ATRNL1: variants seen among roughly 807,000 people sequenced by gnomAD.
The protein encoded by ATRNL1 is attractin-like protein 1.
ATRNL1 carries 95 observed loss-of-function variants against 182.7 expected under a neutral mutation model. The ratio of observed to expected loss-of-function variants is 0.52; its 90% CI spans 0.44 to 0.62. The LOEUF (loss-of-function observed/expected upper bound fraction) is 0.62. Among genes scored for constraint, ATRNL1 ranks in the 20% least tolerant of loss-of-function variants. ATRNL1 has a pLI of 0.00. For synonymous variants in ATRNL1, 576 were observed against 568.3 expected, an observed-to-expected ratio of 1.01 and a Z score of -0.19; for missense variants, 1,471 against 1,679.5, an observed-to-expected ratio of 0.88 and a Z score of 2.17.
chr10:115,780,517 C>T (rs1949238479), intron 27 of ATRNL1, among the ~76,000 whole-genome samples: 2 of 152,112 alleles, frequency 1.3e-5, no homozygotes, highest in African/African-American at 4.8e-5. Context: ...CCCCAAACCC[C>T]AGGCTGAAGA....
At chr10:115,522,569 A>G (rs1592780995) in intron 25 of ATRNL1, among the ~76,000 whole-genome samples, 1 of 152,172 alleles carries the variant, frequency 6.6e-6, no homozygotes. Flanking sequence ...AAACTATAGC[A>G]TTCTATCCCT....
At chr10:115,402,266 C>T (rs1554957185) in intron 20 of ATRNL1, among the ~76,000 whole-genome samples, 1 of 152,164 alleles carries the variant, frequency 6.6e-6, no homozygotes, top group African/African-American at 2.4e-5. Flanking sequence ...CCTACTTAAA[C>T]ATCTGCCATG....
intron 26 of ATRNL1, among the ~76,000 whole-genome samples, chr10:115,634,088 T>G (rs1172317505): frequency 6.6e-6 from 1 of 152,076 alleles, no homozygotes; most frequent in Non-Finnish European, 1.5e-5. Flanking sequence ...GATAAGGAAA[T>G]ATTAATGATA....
At chr10:115,173,096 T>C (rs556009234) in intron 8 of ATRNL1, among the ~76,000 whole-genome samples, 144 of 152,102 alleles carry the variant, frequency 9.5e-4, no homozygotes, top group Admixed American at 1.2e-3. Flanking sequence ...AGAATGGCTA[T>C]TGATGAGAAC....
intron 24 of ATRNL1, among the ~76,000 whole-genome samples, chr10:115,487,070 A>C (rs782012398): frequency 6.1e-4 from 92 of 151,970 alleles, no homozygotes; most frequent in Non-Finnish European, 9.4e-4. Context: ...ATTATTTCTG[A>C]GTCTTCTGTT....
At chr10:115,139,070 A>G (rs1007450555) in intron 5 of ATRNL1, among the ~76,000 whole-genome samples, 1 of 152,206 alleles carries the variant, frequency 6.6e-6, no homozygotes, top group Non-Finnish European at 1.5e-5. Context: ...AAACAAAACA[A>G]GAGTCACCTT....
At chr10:115,204,478 G>T (rs1848722448) in intron 8 of ATRNL1, among the ~76,000 whole-genome samples, 2 of 152,038 alleles carry the variant, frequency 1.3e-5, no homozygotes, top group Non-Finnish European at 2.9e-5. Context: ...CTAATTTGCT[G>T]AGAGTTTTTA....
intron 25 of ATRNL1, among the ~76,000 whole-genome samples, chr10:115,547,193 T>C (rs2133803480): frequency 6.6e-6 from 1 of 151,314 alleles, no homozygotes; most frequent in East Asian, 1.9e-4. Flanking sequence ...AGGCAGAGGT[T>C]GCAGTGAGCC....
chr10:115,500,817 A>G (rs1390213002), intron 24 of ATRNL1, among the ~76,000 whole-genome samples: 1 of 151,572 alleles, frequency 6.6e-6, no homozygotes, highest in Non-Finnish European at 1.5e-5. Context: ...CTGGGATTAC[A>G]GGTGTGAACC....
Position 115,502,160 on chromosome 10 carries a change from T to G in ATRNL1, c.3655-17103T>G, listed in dbSNP as rs376769642. 2.6e-4 allele frequency among the ~76,000 whole-genome samples: 40 copies of G among 152,236 alleles called. 1 individual carries two copies. The South Asian group carries it at 8.1e-3, about 31-fold the overall frequency. On this transcript the variant is annotated intron_variant, in intron 24 of 28. Coordinates refer to ENST00000355044, the MANE Select transcript of ATRNL1 (RefSeq NM_207303.4). ...AGAATTATGGGAGTTTTCCATAATT[T>G]TGGAATACATATCAATAATGTATTT...
chr10:115,152,208 G>A (rs1161036693), intron 5 of ATRNL1, among the ~76,000 whole-genome samples: 1 of 152,104 alleles, frequency 6.6e-6, no homozygotes, highest in Non-Finnish European at 1.5e-5. Flanking sequence ...CTCTTTTTTG[G>A]TTCCATATGA....
At chr10:115,478,337 T>A (rs1554973538) in intron 24 of ATRNL1, among the ~76,000 whole-genome samples, 1 of 151,716 alleles carries the variant, frequency 6.6e-6, no homozygotes, top group Non-Finnish European at 1.5e-5. Context: ...GCAGAAGGAC[T>A]TCTTCCAAGG....
chr10:115,370,523 T>A (rs765497484), intron 19 of ATRNL1, among the ~76,000 whole-genome samples: 3 of 152,178 alleles, frequency 2.0e-5, no homozygotes, highest in Non-Finnish European at 4.4e-5. Flanking sequence ...GTGACTCTTG[T>A]TACGTTTTAG....
intron 26 of ATRNL1, among the ~76,000 whole-genome samples, chr10:115,672,488 T>TA (rs1272554636): frequency 4.7e-4 from 72 of 152,102 alleles, no homozygotes; most frequent in Non-Finnish European, 9.1e-4. Flanking sequence ...ACATAATATA[T>TA]AAAAAAAGTG....
intron 19 of ATRNL1, among the ~76,000 whole-genome samples, chr10:115,351,773 G>GTT (rs1564942984): frequency 1.4e-3 from 53 of 38,486 alleles, no homozygotes; most frequent in African/African-American, 3.3e-3. Context: ...TGTTTTGTTT[G>GTT]TGTTTTTGTT....
At chr10:115,549,580 A>G in intron 26 of ATRNL1, 44 bp downstream of exon 26, 1 of 1,369,814 alleles carries the variant, frequency 7.3e-7, no homozygotes, top group South Asian at 1.4e-5. Flanking sequence ...GATTTAAGCA[A>G]ATATATGGAT....
intron 25 of ATRNL1, among the ~76,000 whole-genome samples, chr10:115,534,091 A>G (rs1342538880): frequency 8.7e-3 from 1,026 of 117,976 alleles, no homozygotes; most frequent in Middle Eastern, 0.032. Context: ...TGGATTTGGG[A>G]TGGAGAGTTC....
At chr10:115,469,496 C>T (rs1554971711) in intron 24 of ATRNL1, among the ~76,000 whole-genome samples, 167 bp downstream of exon 24, 1 of 150,448 alleles carries the variant, frequency 6.6e-6, no homozygotes, top group Non-Finnish European at 1.5e-5. Context: ...TGATGAATTT[C>T]TCTGTAAAAA....
intron 27 of ATRNL1, among the ~76,000 whole-genome samples, chr10:115,732,379 C>T (rs1359248869): frequency 2.0e-5 from 3 of 152,084 alleles, no homozygotes; most frequent in Non-Finnish European, 4.4e-5. Flanking sequence ...GATGACTCTA[C>T]CTTTGTAGCA....
Sources: gnomAD v4.1 joint callset for allele counts (sites outside exome capture counted in the v4.1 genomes callset) on GRCh38, gnomAD v4.1.1 for gene constraint, MANE v1.5 for transcripts, NCBI Gene and HGNC (gene_info 2026-07-23, HGNC 2026-07-21) for gene names.